The following CABIN1 variants were observed in gnomAD, a reference collection of about 807,000 sequenced individuals.
CABIN1 encodes the protein calcineurin-binding protein cabin-1.
CABIN1 carries 133 observed loss-of-function variants against 227.7 expected under a neutral mutation model. The ratio of observed to expected loss-of-function variants is 0.58; its 90% CI spans 0.51 to 0.67. The LOEUF is 0.67. Among genes scored for constraint, CABIN1 ranks in the 30% least tolerant of loss-of-function variants. CABIN1 has a pLI of 0.00. For synonymous variants in CABIN1, 1,086 were observed against 1,155.1 expected, an observed-to-expected ratio of 0.94 and a Z score of 1.21; for missense variants, 2,408 against 2,852.5, an observed-to-expected ratio of 0.84 and a Z score of 3.55.
intron 1 of CABIN1, 137 bp downstream of exon 1, chr22:24,011,504 T>TA (rs988725319): frequency 1.3e-5 from 2 of 152,332 alleles, no homozygotes; most frequent in African/African-American, 4.8e-5. Flanking sequence ...CGGGCAGCTT[T>TA]AGAGCCCCAG....
intron 8 of CABIN1, among the ~76,000 whole-genome samples, chr22:24,053,527 G>A (rs1158809741): frequency 6.6e-6 from 1 of 151,558 alleles, no homozygotes; most frequent in South Asian, 2.1e-4. Flanking sequence ...ACAGACATGC[G>A]CCACCACCCC....
intron 29 of CABIN1, among the ~76,000 whole-genome samples, chr22:24,148,576 G>A (rs185190930): frequency 1.3e-5 from 2 of 152,346 alleles, no homozygotes; most frequent in East Asian, 3.9e-4. Context: ...ACACTGCCCT[G>A]TCCTCAGAAT....
Position 24,060,082 on chromosome 22 carries a change from A to T in CABIN1, c.1558A>T (p.Arg520Trp). 2 of 1,614,018 alleles carry T rather than the reference A, an allele frequency of 1.2e-6. No homozygotes were observed. The highest frequency in any genetic ancestry group is 1.7e-6 in the Non-Finnish European group (2 of 1,180,020). Residue 520 changes from arginine (R) to tryptophan (W), a missense_variant, in exon 12 of 37, where the codon AGG becomes TGG. This residue lies in a region of CABIN1 where 1,045 missense variants were observed against 1,168.4 expected (regional missense o/e 0.89). Coordinates refer to ENST00000263119, the MANE Select transcript of CABIN1 (RefSeq NM_012295.4). ...GCTCAGCGTCTACCACAGCTGGAGG[A>T]GGCACAGCACCAGCCTGCCCAACCC... ...VVLSVYHSWR[R>W]HSTSLPNPLL... is the part of the protein sequence containing the mutation.
At chr22:24,166,317 G>A (rs1001863108) in intron 31 of CABIN1, among the ~76,000 whole-genome samples, 2 of 152,232 alleles carry the variant, frequency 1.3e-5, no homozygotes, top group African/African-American at 2.4e-5. Flanking sequence ...TCAAAGGGGA[G>A]CTGGGCAATG....
intron 35 of CABIN1, among the ~76,000 whole-genome samples, 153 bp downstream of exon 35, chr22:24,176,428 G>T (rs1003522927): frequency 6.6e-6 from 1 of 152,238 alleles, no homozygotes; most frequent in African/African-American, 2.4e-5. Context: ...GTGCAGGCTG[G>T]ACAGGGGAGC....
chr22:24,119,915 AG>A (rs2043302892), intron 28 of CABIN1, among the ~76,000 whole-genome samples: 1 of 152,180 alleles, frequency 6.6e-6, no homozygotes, highest in Admixed American at 6.5e-5. Context: ...CCAGGAATGG[AG>A]GGAGGAGTGT....
At chr22:24,178,019 C>T in intron 36 of CABIN1, 34 bp from the exon 37 acceptor site, 1 of 1,612,310 alleles carries the variant, frequency 6.2e-7, no homozygotes. Flanking sequence ...GCCCAGCCAT[C>T]CTTGACCAGT....
At position 24,042,600 on chromosome 22, in the gene CABIN1, A is replaced by T. The variant is rs544488361; in HGVS notation, c.346-304A>T. On this transcript the variant is annotated intron_variant, in intron 5 of 36. Coordinates refer to ENST00000263119, the MANE Select transcript of CABIN1 (RefSeq NM_012295.4). ...AGTCTCAAAAAAGAAAAATTTTTTTAAAAAATTCTAAGTTAAATAACTTGG... is the reference window on the plus strand; with the variant it reads ...AGTCTCAAAAAAGAAAAATTTTTTTTAAAAATTCTAAGTTAAATAACTTGG... Among the ~76,000 whole-genome samples, 96 of 152,282 alleles carry T rather than the reference A, an allele frequency of 6.3e-4. 7 individuals are homozygous for T. The highest frequency in any genetic ancestry group is 1.9e-4 in the East Asian group (1 of 5,176).
chr22:24,091,864 G>A, intron 24 of CABIN1, 21 bp downstream of exon 24: 1 of 1,610,820 alleles, frequency 6.2e-7, no homozygotes, highest in Non-Finnish European at 8.5e-7. Context: ...GCTGGCCCAG[G>A]GCGGGGAAGC....
chr22:24,013,834 T>C (rs2035031845), intron 1 of CABIN1, among the ~76,000 whole-genome samples: 1 of 152,190 alleles, frequency 6.6e-6, no homozygotes, highest in South Asian at 2.1e-4. Context: ...TGATCAGTTA[T>C]TTTGTCTAAC....
chr22:24,178,442 C>CA lies in CABIN1; in HGVS notation c.*247dup. 1 of 549,018 alleles carries CA rather than the reference C, an allele frequency of 1.8e-6. No individual in the cohort carries two copies. The highest frequency in any genetic ancestry group is 3.3e-6 in the Non-Finnish European group (1 of 304,156). The allele number at this position is 549,018 out of a possible 1,614,324, so 34.0% of individuals were successfully genotyped here. On this transcript the variant is annotated 3_prime_UTR_variant, in exon 37 of 37. Transcript: ENST00000263119. ...GTGAAGGTGGATTGGTCGCCATCTG[C>CA]ACGCCAGGCGGCATCCTTTTCTATG...
At chr22:24,153,922 C>G (rs759497995) in intron 29 of CABIN1, among the ~76,000 whole-genome samples, 3 of 152,212 alleles carry the variant, frequency 2.0e-5, no homozygotes, top group Non-Finnish European at 2.9e-5. Flanking sequence ...AGCTGCCCAG[C>G]CCATTCTGAG....
intron 1 of CABIN1, among the ~76,000 whole-genome samples, chr22:24,031,130 C>T (rs2036463290): frequency 6.6e-6 from 1 of 152,200 alleles, no homozygotes; most frequent in Non-Finnish European, 1.5e-5. Flanking sequence ...ATGGGCCCCT[C>T]CCTTGTTTTT....
chr22:24,106,207 C>G (rs1326331524), intron 26 of CABIN1, among the ~76,000 whole-genome samples: 2 of 152,208 alleles, frequency 1.3e-5, no homozygotes, highest in Non-Finnish European at 2.9e-5. Context: ...GGGGTCCTAC[C>G]CCAGAGAAGA....
intron 19 of CABIN1, among the ~76,000 whole-genome samples, chr22:24,080,492 A>G (rs981036121): frequency 6.6e-6 from 1 of 152,198 alleles, no homozygotes; most frequent in African/African-American, 2.4e-5. Context: ...AATAATTGTC[A>G]TTTTTGTATG....
intron 12 of CABIN1, among the ~76,000 whole-genome samples, chr22:24,061,745 C>CT (rs1185505204): frequency 6.6e-6 from 1 of 152,276 alleles, no homozygotes; most frequent in Non-Finnish European, 1.5e-5. Flanking sequence ...TCTCCCAAGT[C>CT]TTGTCCCAAC....
At chr22:24,077,685 C>A (rs1037184297) in intron 19 of CABIN1, among the ~76,000 whole-genome samples, 4 of 152,150 alleles carry the variant, frequency 2.6e-5, no homozygotes, top group Non-Finnish European at 5.9e-5. Context: ...CCTTTTTCTG[C>A]CTTCCCTCTG....
chr22:24,060,255 G>A (rs1473598216), intron 12 of CABIN1, 114 bp downstream of exon 12: 2 of 1,052,800 alleles, frequency 1.9e-6, no homozygotes, highest in Non-Finnish European at 2.9e-6. Flanking sequence ...TTGTGGGCCT[G>A]GAACCTGGTT....
intron 19 of CABIN1, among the ~76,000 whole-genome samples, chr22:24,079,644 T>A (rs1367477908): frequency 6.6e-6 from 1 of 152,208 alleles, no homozygotes; most frequent in Non-Finnish European, 1.5e-5. Context: ...TAATAATTTA[T>A]AATTATTAGT....
Sources: allele counts gnomAD v4.1 joint callset (sites outside exome capture counted in the v4.1 genomes callset), GRCh38; gene constraint gnomAD v4.1.1; regional missense constraint gnomAD v4.1.1; transcripts MANE v1.5; gene names NCBI Gene and HGNC (gene_info 2026-07-23, HGNC 2026-07-21).